MYT1L: variants seen among roughly 807,000 people sequenced by gnomAD.
The protein encoded by MYT1L is myelin transcription factor 1 like, also known as myelin transcription factor 1-like protein.
MYT1L carries 12 observed loss-of-function variants against 126.7 expected under a neutral mutation model. The ratio of observed to expected loss-of-function variants is 0.09; its 90% CI spans 0.06 to 0.15. The LOEUF (loss-of-function observed/expected upper bound fraction) is 0.15. MYT1L is among the 10% of genes least tolerant of loss of function. The pLI, the probability that MYT1L is intolerant of heterozygous loss-of-function variation, is 1.00. For synonymous variants in MYT1L, 541 were observed against 604.2 expected (o/e 0.90, Z 1.53); for missense variants, 979 against 1,585.2 (o/e 0.62, Z 6.49).
chr2:2,261,666 A>G (rs1279161259), intron 2 of MYT1L, among the ~76,000 whole-genome samples: 1 of 152,256 alleles, frequency 6.6e-6, no homozygotes, highest in African/African-American at 2.4e-5. Flanking sequence ...TGGTGCAGAT[A>G]CAAAAACAAC....
intron 2 of MYT1L, among the ~76,000 whole-genome samples, chr2:2,226,816 C>G (rs1157393329): frequency 6.6e-6 from 1 of 152,216 alleles, no homozygotes; most frequent in Non-Finnish European, 1.5e-5. Flanking sequence ...ACTTTCCCAA[C>G]AGCATTTCTA....
chr2:2,095,676 T>C (rs2077376495), intron 3 of MYT1L, among the ~76,000 whole-genome samples: 1 of 151,978 alleles, frequency 6.6e-6, no homozygotes, highest in Non-Finnish European at 1.5e-5. Context: ...CTCTCTGCAA[T>C]CTATGGGCCA....
rs938180131 is a variant in MYT1L at position 1,806,920 on chromosome 2, C to G, written c.3172+2156G>C. Among the ~76,000 whole-genome samples, 1 of 152,186 alleles carries G rather than the reference C, an allele frequency of 6.6e-6. No individual in the cohort carries two copies. The highest frequency in any genetic ancestry group is 1.5e-5 in the Non-Finnish European group (1 of 68,048). ...GCCCTCTAAGTATTTTGAAAAGCGCCCGGCATGCAGATGGGGCTTAGGGAA... is the reference window on the plus strand; with the variant it reads ...GCCCTCTAAGTATTTTGAAAAGCGCGCGGCATGCAGATGGGGCTTAGGGAA... On this transcript the variant is annotated intron_variant, in intron 22 of 24. Coordinates refer to ENST00000647738, the MANE Select transcript of MYT1L (RefSeq NM_001303052.2). This position sits in a 1 kb window ranked among gnomAD's most constrained non-coding sequence, Gnocchi z 4.9.
intron 23 of MYT1L, among the ~76,000 whole-genome samples, chr2:1,798,637 G>A (rs1437851522): frequency 6.6e-6 from 1 of 152,320 alleles, no homozygotes. Context: ...GGTCAGAGTG[G>A]ACAAGAAAAC....
chr2:2,056,320 G>T (rs1022608544), intron 3 of MYT1L, among the ~76,000 whole-genome samples: 4 of 152,214 alleles, frequency 2.6e-5, no homozygotes, highest in Admixed American at 6.5e-5. Context: ...ACCCCTCTTG[G>T]AGGAAGGGGA....
In MYT1L at chr2:1,889,232, A is replaced by G. The variant is rs2148851246; in HGVS notation, c.2520+9T>C. 4 of 1,603,988 alleles carry G rather than the reference A, an allele frequency of 2.5e-6. No individual in the cohort carries two copies. Among genetic ancestry groups the G allele is most frequent in the Non-Finnish European group, 3.4e-6 (4 of 1,172,394 alleles). Reference sequence around the variant, plus strand: ...GGCAGTCAACACAGGCTCAATGAAAAGGACATACAGTAATGTCTTTGGACT... The same window carrying G: ...GGCAGTCAACACAGGCTCAATGAAAGGGACATACAGTAATGTCTTTGGACT... On this transcript the variant is annotated intron_variant, in intron 16 of 24. Transcript: ENST00000647738. This position sits in a 1 kb window ranked among gnomAD's most constrained non-coding sequence, Gnocchi z 4.1.
intron 19 of MYT1L, chr2:1,841,299 G>C (rs1385557042): frequency 1.7e-5 from 2 of 120,022 alleles, no homozygotes; most frequent in Non-Finnish European, 3.3e-5. Context: ...AAGTAGCTGG[G>C]ACTATAGGCG....
At chr2:2,192,541 G>A (rs1333412517) in intron 2 of MYT1L, among the ~76,000 whole-genome samples, 1 of 152,024 alleles carries the variant, frequency 6.6e-6, no homozygotes, top group Non-Finnish European at 1.5e-5. Context: ...GAGAGCGTCT[G>A]TTGGTCCTGG....
intron 1 of MYT1L, among the ~76,000 whole-genome samples, chr2:2,319,956 C>G (rs897921059): frequency 6.6e-6 from 1 of 152,054 alleles, no homozygotes; most frequent in Non-Finnish European, 1.5e-5. Flanking sequence ...GGGGTCTCGC[C>G]TTTTCTCTTC....
At chr2:2,020,440 G>T (rs151331630) in intron 4 of MYT1L, among the ~76,000 whole-genome samples, 1 of 152,126 alleles carries the variant, frequency 6.6e-6, no homozygotes, top group Non-Finnish European at 1.5e-5. Flanking sequence ...GCACGTTCAC[G>T]AACACATTTG....
chr2:1,839,020 G>A, intron 21 of MYT1L, 129 bp downstream of exon 21: 1 of 842,200 alleles, frequency 1.2e-6, no homozygotes, highest in East Asian at 2.7e-5. Context: ...TGGTACGATA[G>A]TTTTCAGCCT....
At chr2:2,054,701 A>T (rs1386721529) in intron 3 of MYT1L, among the ~76,000 whole-genome samples, 2 of 151,618 alleles carry the variant, frequency 1.3e-5, no homozygotes, top group Non-Finnish European at 2.9e-5. Flanking sequence ...GATGAGACAC[A>T]TGGATATGAT....
chr2:2,060,472 A>G (rs2070253720), intron 3 of MYT1L, among the ~76,000 whole-genome samples: 1 of 152,196 alleles, frequency 6.6e-6, no homozygotes, highest in African/African-American at 2.4e-5. Context: ...AGAATGATCT[A>G]TTACTTTATG....
At chr2:1,896,950 T>C (rs1404064391) in intron 14 of MYT1L, among the ~76,000 whole-genome samples, 1 of 152,178 alleles carries the variant, frequency 6.6e-6, no homozygotes, top group Non-Finnish European at 1.5e-5. Context: ...TGACGATGCA[T>C]TGACTTTCCC....
chr2:2,004,023 C>CTTTCCTGCATGCCTTCTTTCCTGCATGCA (rs2062745431), intron 4 of MYT1L, among the ~76,000 whole-genome samples: 1 of 135,360 alleles, frequency 7.4e-6, no homozygotes, highest in Admixed American at 7.2e-5. Flanking sequence ...TCCTGCATGC[C>CTTTCCTGCATGCCTTCTTTCCTGCATGCA]TTCTTTCCTG....
At position 1,801,469 on chromosome 2, in the gene MYT1L, C is replaced by A. The variant is rs535717893; in HGVS notation, c.3276+227G>T. On this transcript the variant is annotated intron_variant, in intron 23 of 24. Transcript: ENST00000647738. The surrounding 1 kb of genome is among the most constrained non-coding windows in gnomAD (Gnocchi z 4.2). ...CACAAATGCACTTTATTAAAAAACA[C>A]AAACACACATGCAGACTGAAAACGA... is the stretch of plus-strand genomic sequence containing the variant. 1 of 433,114 alleles carries A rather than the reference C, an allele frequency of 2.3e-6. No homozygotes were observed. 26.8% of individuals were successfully genotyped at this position (433,114 alleles called of 1,614,324 possible).
chr2:2,294,915 T>C (rs946950252), intron 1 of MYT1L, among the ~76,000 whole-genome samples: 3 of 152,210 alleles, frequency 2.0e-5, no homozygotes, highest in Non-Finnish European at 4.4e-5. Context: ...GCAATCAATG[T>C]GCATAAATGA....
At chr2:1,896,384 C>T (rs1285090860) in intron 14 of MYT1L, among the ~76,000 whole-genome samples, 1 of 152,172 alleles carries the variant, frequency 6.6e-6, no homozygotes, top group Non-Finnish European at 1.5e-5. Flanking sequence ...CACATGCACT[C>T]GTATGCTCAT....
At chr2:2,308,722 A>G (rs1050509209) in intron 1 of MYT1L, among the ~76,000 whole-genome samples, 9 of 151,618 alleles carry the variant, frequency 5.9e-5, no homozygotes, top group Admixed American at 4.6e-4. Flanking sequence ...CCTACACTTC[A>G]CTATATTCTA....
Sources: allele counts gnomAD v4.1 joint callset (sites outside exome capture counted in the v4.1 genomes callset), GRCh38; gene constraint gnomAD v4.1.1; non-coding constraint Gnocchi (gnomAD v3.1); transcripts MANE v1.5; gene names NCBI Gene and HGNC (gene_info 2026-07-23, HGNC 2026-07-21).